SKIC3: variants seen among roughly 807,000 people sequenced by gnomAD.
The protein encoded by SKIC3 is superkiller complex protein 3.
At chr5:95,469,808 A>C in the SKIC3 span, 1 of 1,614,078 alleles carries the variant, frequency 6.2e-7, no homozygotes, top group Non-Finnish European at 8.5e-7. Context: ...TTGAATTGTA[A>C]CAAAGCTTGT....
At chr5:95,547,913 T>A in the SKIC3 span, among the ~76,000 whole-genome samples, 46 of 152,142 alleles carry the variant, frequency 3.0e-4, no homozygotes, top group African/African-American at 1.1e-3. Context: ...GTTTATTACC[T>A]GTACTTTTTC....
At chr5:95,468,357 T>C in the SKIC3 span, among the ~76,000 whole-genome samples, 2 of 152,188 alleles carry the variant, frequency 1.3e-5, no homozygotes, top group African/African-American at 4.8e-5. Context: ...TCCAATCTTT[T>C]TGAAAAGTAG....
the SKIC3 span, among the ~76,000 whole-genome samples, chr5:95,496,766 TC>T: frequency 6.6e-6 from 1 of 151,928 alleles, no homozygotes; most frequent in Non-Finnish European, 1.5e-5. Context: ...GTCAAACAAG[TC>T]TGTGGGTCTT....
chr5:95,516,275 A>T, the SKIC3 span: 1 of 1,508,998 alleles, frequency 6.6e-7, no homozygotes, highest in South Asian at 1.1e-5. Flanking sequence ...TTTCTCCACA[A>T]GAAGCTGAGC....
chr5:95,523,657 T>C, the SKIC3 span: 1 of 1,613,288 alleles, frequency 6.2e-7, no homozygotes, highest in Non-Finnish European at 8.5e-7. Flanking sequence ...AGACATACCA[T>C]ATCTTCAAGC....
At chr5:95,537,109 T>A in the SKIC3 span, 1 of 1,613,636 alleles carries the variant, frequency 6.2e-7, no homozygotes, top group South Asian at 1.1e-5. Context: ...TCTTATCTGA[T>A]AATCCCAGTG....
chr5:95,496,076 G>A, the SKIC3 span, among the ~76,000 whole-genome samples: 1 of 151,872 alleles, frequency 6.6e-6, no homozygotes, highest in African/African-American at 2.4e-5. Context: ...GGAGTGCGGT[G>A]GCATGATCTC....
chr5:95,505,503 T>C, the SKIC3 span, among the ~76,000 whole-genome samples: 2 of 152,146 alleles, frequency 1.3e-5, no homozygotes, highest in East Asian at 3.8e-4. Context: ...CAAATCTATC[T>C]GAAATTTTTT....
the SKIC3 span, among the ~76,000 whole-genome samples, chr5:95,553,534 C>A: frequency 6.6e-6 from 1 of 151,986 alleles, no homozygotes; most frequent in Non-Finnish European, 1.5e-5. Flanking sequence ...CTCATGTAAA[C>A]TGAGACTATT....
At chr5:95,466,185 A>G in the SKIC3 span, among the ~76,000 whole-genome samples, 1 of 152,210 alleles carries the variant, frequency 6.6e-6, no homozygotes, top group Non-Finnish European at 1.5e-5. Context: ...TATTCTCTAC[A>G]TTATTCAAAA....
At chr5:95,525,390 A>G in the SKIC3 span, 1 of 1,613,024 alleles carries the variant, frequency 6.2e-7, no homozygotes. Flanking sequence ...CAATTTATAT[A>G]TCCTTACCAT....
chr5:95,479,675 TTGTGTGTGTGTGTGTGTGTG>T, the SKIC3 span, among the ~76,000 whole-genome samples: 17 of 144,088 alleles, frequency 1.2e-4, 1 homozygote, highest in African/African-American at 3.3e-4. Context: ...GGAAAAAACA[TTGTGTGTGTGTGTGTGTGTG>T]TGTGTGTGTG....
At chr5:95,478,285 C>G in the SKIC3 span, 1 of 1,613,612 alleles carries the variant, frequency 6.2e-7, no homozygotes, top group Non-Finnish European at 8.5e-7. Flanking sequence ...ATAACATGAT[C>G]TTACCATACA....
the SKIC3 span, among the ~76,000 whole-genome samples, chr5:95,493,709 G>T: frequency 1.3e-5 from 2 of 151,838 alleles, no homozygotes; most frequent in African/African-American, 4.8e-5. Context: ...CTTGTTCTTG[G>T]TGTAATTTTT....
chr5:95,509,725 A>G, the SKIC3 span: 3 of 1,322,234 alleles, frequency 2.3e-6, no homozygotes, highest in African/African-American at 1.4e-5. Flanking sequence ...AAATATGCCT[A>G]CTGATGGTAT....
the SKIC3 span, among the ~76,000 whole-genome samples, chr5:95,517,523 G>A: frequency 1.3e-5 from 2 of 152,222 alleles, no homozygotes; most frequent in South Asian, 2.1e-4. Flanking sequence ...TACTTTAAGT[G>A]CCAGAAATTT....
the SKIC3 span, among the ~76,000 whole-genome samples, chr5:95,549,273 T>C: frequency 6.6e-6 from 1 of 151,858 alleles, no homozygotes; most frequent in Non-Finnish European, 1.5e-5. Flanking sequence ...TAGGAAACAG[T>C]GAGAAAGCCA....
chr5:95,546,838 T>C, the SKIC3 span: 1 of 544,828 alleles, frequency 1.8e-6, no homozygotes, highest in East Asian at 3.3e-5. Context: ...ATTCAGGTTT[T>C]AAGAACTTGG....
the SKIC3 span, among the ~76,000 whole-genome samples, chr5:95,518,523 T>G: frequency 6.6e-6 from 1 of 152,010 alleles, no homozygotes; most frequent in Non-Finnish European, 1.5e-5. Flanking sequence ...AGATCAATTT[T>G]TTTTTTAGCT....
Sources: gnomAD v4.1 joint callset for allele counts (sites outside exome capture counted in the v4.1 genomes callset) on GRCh38, gnomAD v4.1.1 for gene constraint, MANE v1.5 for transcripts, NCBI Gene and HGNC (gene_info 2026-07-23, HGNC 2026-07-21) for gene names.